HIGD1C: variants seen among roughly 807,000 people sequenced by gnomAD.
HIGD1C encodes HIG1 hypoxia inducible domain family member 1C, also known as HIG1 domain family member 1C.
HIGD1C carries 11 observed loss-of-function variants against 13.1 expected under a neutral mutation model. The ratio of observed to expected loss-of-function variants is 0.84; its 90% CI spans 0.53 to 1.39. The LOEUF (loss-of-function observed/expected upper bound fraction) is 1.39. HIGD1C is among the 40% of genes most tolerant of loss of function. The pLI is 0.00. For missense variants in HIGD1C, 110 were observed against 112.0 expected, an observed-to-expected ratio of 0.98 and a Z score of 0.08; for synonymous variants, 36 against 37.7, an observed-to-expected ratio of 0.95 and a Z score of 0.17.
At chr12:50,966,889 G>A (rs1338322103) in intron 2 of HIGD1C, among the ~76,000 whole-genome samples, 1 of 152,108 alleles carries the variant, frequency 6.6e-6, no homozygotes, top group African/African-American at 2.4e-5. Flanking sequence ...GCCAAGGTGG[G>A]TAGATCATTT....
the HIGD1C span, among the ~76,000 whole-genome samples, chr12:50,941,766 T>G: frequency 6.6e-5 from 10 of 152,224 alleles, no homozygotes; most frequent in Non-Finnish European, 2.9e-5. Flanking sequence ...AGACTTCCAA[T>G]GCCTCCACTC....
chr12:50,964,250 G>T (rs1939456960), intron 2 of HIGD1C, among the ~76,000 whole-genome samples: 2 of 152,198 alleles, frequency 1.3e-5, no homozygotes, highest in Non-Finnish European at 2.9e-5. Context: ...GATGGTTATT[G>T]CTAGTATTAT....
chr12:50,950,708 A>C, upstream of HIGD1C, among the ~76,000 whole-genome samples: 4 of 113,288 alleles, frequency 3.5e-5, no homozygotes, highest in Admixed American at 1.2e-4. Context: ...ATGGAGTCTC[A>C]TTCTGTCACC....
At chr12:50,961,834 G>T (rs569196267) in intron 2 of HIGD1C, among the ~76,000 whole-genome samples, 1 of 152,264 alleles carries the variant, frequency 6.6e-6, no homozygotes, top group East Asian at 1.9e-4. Context: ...AGAATGATGG[G>T]CATGGGGCTT....
chr12:50,960,927 G>T, intron 1 of HIGD1C, 41 bp from the exon 4 acceptor site: 1 of 1,521,868 alleles, frequency 6.6e-7, no homozygotes, highest in South Asian at 1.3e-5. Flanking sequence ...CGATGCTCCT[G>T]CCTCAGCCTT....
chr12:50,960,191 C>G (rs1236104924), intron 1 of HIGD1C, among the ~76,000 whole-genome samples: 2 of 152,136 alleles, frequency 1.3e-5, no homozygotes, highest in African/African-American at 4.8e-5. Context: ...GCTTCTTGTG[C>G]ATATATTCAT....
the HIGD1C span, among the ~76,000 whole-genome samples, chr12:50,941,843 TA>T: frequency 6.6e-6 from 1 of 152,112 alleles, no homozygotes; most frequent in East Asian, 1.9e-4. Context: ...AACTACAGAG[TA>T]AATCAATTCA....
At chr12:50,942,094 C>T in the HIGD1C span, among the ~76,000 whole-genome samples, 1 of 152,070 alleles carries the variant, frequency 6.6e-6, no homozygotes, top group Non-Finnish European at 1.5e-5. Flanking sequence ...ATTGCCCAGG[C>T]TGGTCTCAAA....
the HIGD1C span, chr12:50,931,737 A>G: frequency 6.7e-6 from 1 of 148,908 alleles, no homozygotes; most frequent in Non-Finnish European, 1.5e-5. Context: ...AAAAAAAAGA[A>G]GTAGAGACAG....
chr12:50,967,533 C>T (rs919308781), intron 2 of HIGD1C, among the ~76,000 whole-genome samples: 13 of 152,126 alleles, frequency 8.5e-5, no homozygotes, highest in South Asian at 2.1e-4. Flanking sequence ...ACCTCAGCTT[C>T]CCAAAGTGCT....
At chr12:50,949,410 T>G (rs1464937901), upstream of HIGD1C, 2 of 152,036 alleles carry the variant, frequency 1.3e-5, no homozygotes, top group Non-Finnish European at 2.9e-5. Flanking sequence ...CGCAGTTTGG[T>G]AGGCAGACTG....
At chr12:50,933,272 G>A in the HIGD1C span, among the ~76,000 whole-genome samples, 2 of 152,070 alleles carry the variant, frequency 1.3e-5, no homozygotes, top group Admixed American at 1.3e-4. Context: ...TGAATCCAGA[G>A]AACACATATT....
At chr12:50,961,767 C>CA (rs1264315905) in intron 2 of HIGD1C, among the ~76,000 whole-genome samples, 3 of 152,184 alleles carry the variant, frequency 2.0e-5, no homozygotes, top group African/African-American at 7.2e-5. Context: ...TCACAATACT[C>CA]TTAAGTCCCC....
downstream of HIGD1C, among the ~76,000 whole-genome samples, chr12:50,971,327 G>A (rs557871122): frequency 6.6e-6 from 1 of 152,294 alleles, no homozygotes; most frequent in South Asian, 2.1e-4. Context: ...GTTATATAAA[G>A]TTGGTTCACC....
chr12:50,937,856 GCTGA>G, the HIGD1C span, among the ~76,000 whole-genome samples: 4 of 152,246 alleles, frequency 2.6e-5, no homozygotes, highest in East Asian at 7.7e-4. Context: ...TGTGAGTCTG[GCTGA>G]GTCTGGGGAC....
At chr12:50,952,158 TAA>T (rs1417227541), upstream of HIGD1C, among the ~76,000 whole-genome samples, 1 of 150,702 alleles carries the variant, frequency 6.6e-6, no homozygotes, top group African/African-American at 2.5e-5. Flanking sequence ...ATATCAATGT[TAA>T]GTTTCTGATT....
downstream of HIGD1C, among the ~76,000 whole-genome samples, chr12:50,970,712 C>A (rs868849081): frequency 2.6e-5 from 4 of 152,214 alleles, no homozygotes; most frequent in South Asian, 6.2e-4. Flanking sequence ...GTGTTAATGT[C>A]TTTCAGAACC....
At chr12:50,957,724 A>G (rs976164992) in intron 1 of HIGD1C, among the ~76,000 whole-genome samples, 2 of 151,602 alleles carry the variant, frequency 1.3e-5, no homozygotes, top group African/African-American at 4.8e-5. Context: ...ATGTCTACTA[A>G]AAATACAAAA....
intron 1 of HIGD1C, 46 bp downstream of exon 3, chr12:50,954,138 T>C (rs776089023): frequency 2.6e-6 from 3 of 1,149,154 alleles, no homozygotes; most frequent in Non-Finnish European, 3.9e-6. Flanking sequence ...AATAACACAA[T>C]GATGCCTTAC....
Sources: gnomAD v4.1 joint callset for allele counts (sites outside exome capture counted in the v4.1 genomes callset) on GRCh38, gnomAD v4.1.1 for gene constraint, MANE v1.5 for transcripts, NCBI Gene and HGNC (gene_info 2026-07-23, HGNC 2026-07-21) for gene names.